The following SULF2 variants were observed in gnomAD, a reference collection of about 807,000 sequenced individuals.
SULF2 encodes extracellular sulfatase Sulf-2.
A neutral mutation model predicts 107.7 loss-of-function variants in SULF2; 52 were observed. The ratio of observed to expected loss-of-function variants is 0.48; its 90% CI spans 0.39 to 0.61. SULF2 has a LOEUF of 0.61. Among genes scored for constraint, SULF2 ranks in the 20% least tolerant of loss-of-function variants. The pLI, the probability that SULF2 is intolerant of heterozygous loss-of-function variation, is 0.00. For missense variants in SULF2, 993 were observed against 1,177.3 expected, an observed-to-expected ratio of 0.84 and a Z score of 2.29; for synonymous variants, 460 against 464.3, an observed-to-expected ratio of 0.99 and a Z score of 0.12.
At chr20:47,713,546 T>C (rs1412056460) in intron 3 of SULF2, among the ~76,000 whole-genome samples, 1 of 152,006 alleles carries the variant, frequency 6.6e-6, no homozygotes, top group Non-Finnish European at 1.5e-5. Context: ...CAGTGAATTC[T>C]TCTATAAAAA....
chr20:47,748,235 C>T (rs552322826), intron 2 of SULF2, among the ~76,000 whole-genome samples: 74 of 152,364 alleles, frequency 4.9e-4, no homozygotes, highest in Non-Finnish European at 8.2e-4. Flanking sequence ...CCTCCTCCAA[C>T]GTCCTGGGAA....
Position 47,663,626 on chromosome 20 carries a change from T to C in SULF2, c.2058-4A>G, listed in dbSNP as rs2087164268. Reference sequence around the variant, plus strand: ...GTCCTTCTCTTGCAGGCCCTTCCTATGGGCGCAGAGGGCCACACACACCTT... The same window carrying C: ...GTCCTTCTCTTGCAGGCCCTTCCTACGGGCGCAGAGGGCCACACACACCTT... On this transcript the variant is annotated splice_polypyrimidine_tract_variant and splice_region_variant and intron_variant, in intron 15 of 20. Transcript: ENST00000688720. The C allele has an allele frequency of 6.3e-7, 1 of 1,577,770 alleles. No homozygotes were observed. Among genetic ancestry groups the C allele is most frequent in the African/African-American group, 1.3e-5 (1 of 74,302 alleles).
chr20:47,688,009 A>G (rs1037945596), intron 5 of SULF2, among the ~76,000 whole-genome samples: 2 of 151,898 alleles, frequency 1.3e-5, no homozygotes, highest in East Asian at 3.9e-4. Context: ...GTCTGTATGT[A>G]TGTGACTGTG....
intron 3 of SULF2, among the ~76,000 whole-genome samples, chr20:47,727,058 T>C (rs1344983572): frequency 6.8e-6 from 1 of 147,388 alleles, no homozygotes; most frequent in Non-Finnish European, 1.5e-5. Context: ...GCAGCCTTTA[T>C]GGGGGGGGGC....
chr20:47,753,303 T>C (rs2146885426), intron 2 of SULF2, among the ~76,000 whole-genome samples: 1 of 152,260 alleles, frequency 6.6e-6, no homozygotes, highest in South Asian at 2.1e-4. Flanking sequence ...CTTAACCCTC[T>C]GATACAAGAG....
At chr20:47,740,549 G>A (rs925619411) in intron 2 of SULF2, among the ~76,000 whole-genome samples, 1 of 152,178 alleles carries the variant, frequency 6.6e-6, no homozygotes, top group African/African-American at 2.4e-5. Flanking sequence ...CAGGCAGGGG[G>A]TGGCATTGCC....
At chr20:47,744,285 C>A (rs373878438) in intron 2 of SULF2, among the ~76,000 whole-genome samples, 1 of 152,100 alleles carries the variant, frequency 6.6e-6, no homozygotes, top group South Asian at 2.1e-4. Context: ...TGGGTTCAAG[C>A]GATTCTCCTG....
chr20:47,706,482 G>A, intron 3 of SULF2: 1 of 152,176 alleles, frequency 6.6e-6, no homozygotes, highest in East Asian at 1.9e-4. Context: ...AAAAAAAGAA[G>A]TCACAGACAA....
intron 11 of SULF2, among the ~76,000 whole-genome samples, chr20:47,670,459 T>TGGGATTAC (rs1407576731): frequency 1.3e-5 from 2 of 151,170 alleles, no homozygotes; most frequent in Non-Finnish European, 2.9e-5. Context: ...CCCGAAATGC[T>TGGGATTAC]GGGATTACAG....
chr20:47,778,012 G>A (rs1021518571), intron 1 of SULF2, among the ~76,000 whole-genome samples: 1 of 151,426 alleles, frequency 6.6e-6, no homozygotes, highest in East Asian at 1.9e-4. Context: ...ATGGTGGCCT[G>A]TGCCTATAGT....
chr20:47,660,479 C>A (rs2087029011), intron 18 of SULF2, among the ~76,000 whole-genome samples: 1 of 152,214 alleles, frequency 6.6e-6, no homozygotes, highest in African/African-American at 2.4e-5. Flanking sequence ...CTGACATGAA[C>A]TCTAGGCATC....
At chr20:47,683,360 C>T (rs1301467112) in intron 6 of SULF2, among the ~76,000 whole-genome samples, 191 bp from the exon 7 acceptor site, 1 of 152,242 alleles carries the variant, frequency 6.6e-6, no homozygotes, top group African/African-American at 2.4e-5. Context: ...CCCGCCCTCC[C>T]CTCCACGGTT....
chr20:47,765,479 C>T (rs1185574950), intron 1 of SULF2, among the ~76,000 whole-genome samples: 1 of 151,170 alleles, frequency 6.6e-6, no homozygotes, highest in Admixed American at 6.6e-5. Context: ...AGACGGGAAA[C>T]ACTCATGAGA....
chr20:47,786,373 T>TA (rs1251092302), upstream of SULF2: 1 of 152,172 alleles, frequency 6.6e-6, no homozygotes, highest in Non-Finnish European at 1.5e-5. Context: ...AATGACACGT[T>TA]AATAAATGTT....
chr20:47,698,192 G>GT (rs1413512386), intron 4 of SULF2, among the ~76,000 whole-genome samples: 2 of 152,198 alleles, frequency 1.3e-5, no homozygotes, highest in African/African-American at 2.4e-5. Flanking sequence ...GGGACAGAGT[G>GT]TTTTTTGGCC....
Position 47,678,800 on chromosome 20 carries a change from G to A in SULF2, c.1069C>T (p.Pro357Ser), listed in dbSNP as rs1018156103. ...AGGTCAATGTTGAGGACGATGTGGG[G>A]ATTCCTGGGGGAGGCAGGAGATCGG... is the stretch of plus-strand genomic sequence containing the variant. The part of the protein sequence containing the change: ...GPNVEAGCLN[P>S]HIVLNIDLAP... Residue 357 changes from proline to serine, a missense_variant, in exon 8 of 21, where the codon CCC (proline) becomes TCC (serine). This residue lies in a region of SULF2 where 108 missense variants were observed against 183.9 expected (regional missense o/e 0.59). Transcript: ENST00000688720. This position sits in a 1 kb window ranked among gnomAD's most constrained non-coding sequence, Gnocchi z 4.5. 3.7e-6 allele frequency: 6 copies of A among 1,613,162 alleles called. No homozygotes were observed. Among genetic ancestry groups the A allele is most frequent in the Non-Finnish European group, 5.1e-6 (6 of 1,179,530 alleles).
intron 1 of SULF2, among the ~76,000 whole-genome samples, chr20:47,783,894 G>A (rs2090874963): frequency 6.6e-6 from 1 of 152,172 alleles, no homozygotes; most frequent in Non-Finnish European, 1.5e-5. Flanking sequence ...TGGGAGAGAC[G>A]AAGCTGGGGA....
chr20:47,741,857 C>T (rs6125097), intron 2 of SULF2, among the ~76,000 whole-genome samples: 15,076 of 152,252 alleles, frequency 0.099, 735 homozygotes, highest in Admixed American at 0.11. Context: ...ACCTGCACTC[C>T]GCAGCCCCCA....
At chr20:47,722,052 C>A (rs1207716583) in intron 3 of SULF2, among the ~76,000 whole-genome samples, 3 of 152,146 alleles carry the variant, frequency 2.0e-5, no homozygotes, top group African/African-American at 7.2e-5. Context: ...AAGAGGGAAC[C>A]TTCCTAATAA....
Sources: allele counts gnomAD v4.1 joint callset (sites outside exome capture counted in the v4.1 genomes callset), GRCh38; gene constraint gnomAD v4.1.1; regional missense constraint gnomAD v4.1.1; non-coding constraint Gnocchi (gnomAD v3.1); transcripts MANE v1.5; gene names NCBI Gene and HGNC (gene_info 2026-07-23, HGNC 2026-07-21).